The following CHSY3 variants were observed in gnomAD, a reference collection of about 807,000 sequenced individuals.
The protein encoded by CHSY3 is N-acetylgalactosaminyl-proteoglycan 3-beta-glucuronosyltransferase 3.
Under a neutral mutation model 67.2 loss-of-function variants are expected in CHSY3, and 35 were observed. That is an observed-to-expected ratio of 0.52 (90% CI 0.40 to 0.69). The LOEUF (loss-of-function observed/expected upper bound fraction) is 0.69. CHSY3 is among the 30% of genes least tolerant of loss of function. CHSY3 has a pLI of 0.00. For missense variants in CHSY3, 1,069 were observed against 1,138.5 expected (o/e 0.94, Z 0.88); for synonymous variants, 474 against 434.7 (o/e 1.09, Z -1.12).
chr5:130,173,840 T>A (rs1367152502), intron 2 of CHSY3, among the ~76,000 whole-genome samples: 1 of 152,054 alleles, frequency 6.6e-6, no homozygotes, highest in Non-Finnish European at 1.5e-5. Flanking sequence ...CAGGCTTTTT[T>A]TTTTATTTTA....
chr5:129,970,405 GATA>G (rs1443478475), intron 2 of CHSY3, among the ~76,000 whole-genome samples: 9 of 42,058 alleles, frequency 2.1e-4, no homozygotes, highest in African/African-American at 6.4e-4. Flanking sequence ...AGATTAGATA[GATA>G]GATAGATAGA....
intron 1 of CHSY3, 21 bp from the exon 2 acceptor site, chr5:129,908,056 T>A: frequency 6.2e-7 from 1 of 1,604,908 alleles, no homozygotes; most frequent in Non-Finnish European, 8.5e-7. Context: ...GACATAGTAA[T>A]TGTTGCCTTT....
At chr5:129,934,754 T>A (rs1434106607) in intron 2 of CHSY3, among the ~76,000 whole-genome samples, 1 of 152,206 alleles carries the variant, frequency 6.6e-6, no homozygotes, top group Non-Finnish European at 1.5e-5. Context: ...GACATATTTT[T>A]ATTTCCAATA....
intron 2 of CHSY3, among the ~76,000 whole-genome samples, chr5:130,153,458 A>G (rs932979141): frequency 6.6e-6 from 1 of 152,166 alleles, no homozygotes; most frequent in South Asian, 2.1e-4. Context: ...TTACCTGCTT[A>G]TAAATACCTT....
intron 2 of CHSY3, among the ~76,000 whole-genome samples, chr5:130,024,473 A>G (rs753924736): frequency 2.6e-5 from 4 of 152,100 alleles, no homozygotes; most frequent in Non-Finnish European, 5.9e-5. Context: ...GTTTATTTGT[A>G]GGAAAAAAGA....
At chr5:129,974,895 TG>T (rs1762754496) in intron 2 of CHSY3, 1 of 152,112 alleles carries the variant, frequency 6.6e-6, no homozygotes, top group African/African-American at 2.4e-5. Context: ...ACACTAGTGT[TG>T]TATGAAAGGA....
chr5:129,974,536 GA>G (rs1039056831), intron 2 of CHSY3, among the ~76,000 whole-genome samples: 2 of 151,766 alleles, frequency 1.3e-5, no homozygotes, highest in East Asian at 1.9e-4. Context: ...CCATGGTCGA[GA>G]AAAAAAAGAA....
At chr5:129,998,975 A>G (rs1010774151) in intron 2 of CHSY3, among the ~76,000 whole-genome samples, 2 of 152,078 alleles carry the variant, frequency 1.3e-5, no homozygotes, top group Non-Finnish European at 1.5e-5. Flanking sequence ...GTTATTTGAC[A>G]TACAGAAAGG....
chr5:130,161,288 T>C (rs533121946), intron 2 of CHSY3, among the ~76,000 whole-genome samples: 2 of 152,308 alleles, frequency 1.3e-5, no homozygotes, highest in Non-Finnish European at 1.5e-5. Context: ...TTTTTTAAAC[T>C]TCTGGAATGT....
chr5:129,963,793 G>GT (rs368591570), intron 2 of CHSY3, among the ~76,000 whole-genome samples: 51 of 148,066 alleles, frequency 3.4e-4, no homozygotes, highest in African/African-American at 7.4e-4. Flanking sequence ...TATAATGTCA[G>GT]TTTTTTTTTT....
At chr5:129,914,189 C>T (rs1336103485) in intron 2 of CHSY3, among the ~76,000 whole-genome samples, 1 of 152,152 alleles carries the variant, frequency 6.6e-6, no homozygotes, top group African/African-American at 2.4e-5. Context: ...TGGCTCACTG[C>T]AACCTCCCCC....
intron 2 of CHSY3, among the ~76,000 whole-genome samples, chr5:130,102,810 A>G (rs1461740524): frequency 6.6e-6 from 1 of 152,100 alleles, no homozygotes; most frequent in Non-Finnish European, 1.5e-5. Context: ...CTTCTGGTCC[A>G]TGTTATTTCA....
intron 2 of CHSY3, among the ~76,000 whole-genome samples, chr5:130,097,538 T>A (rs1019898069): frequency 2.0e-5 from 3 of 152,226 alleles, no homozygotes; most frequent in Non-Finnish European, 4.4e-5. Context: ...CTCCTGCCTA[T>A]CTTTTGAGCT....
At chr5:130,180,081 T>G (rs1370627247) in intron 2 of CHSY3, among the ~76,000 whole-genome samples, 5 of 152,168 alleles carry the variant, frequency 3.3e-5, no homozygotes, top group African/African-American at 4.8e-5. Context: ...AGAGTAAGTT[T>G]TATGCCCTAC....
At chr5:130,035,100 G>A (rs1404422270) in intron 2 of CHSY3, among the ~76,000 whole-genome samples, 2 of 152,050 alleles carry the variant, frequency 1.3e-5, no homozygotes, top group African/African-American at 4.8e-5. Flanking sequence ...GATCAGATGA[G>A]TCACAATGGT....
intron 2 of CHSY3, among the ~76,000 whole-genome samples, chr5:130,068,906 T>G (rs1765970072): frequency 6.6e-6 from 1 of 152,146 alleles, no homozygotes; most frequent in Non-Finnish European, 1.5e-5. Flanking sequence ...CTACAAAGTC[T>G]TGTAGCAGAG....
At chr5:130,026,326 T>C (rs1308699974) in intron 2 of CHSY3, among the ~76,000 whole-genome samples, 1 of 152,124 alleles carries the variant, frequency 6.6e-6, no homozygotes, top group Non-Finnish European at 1.5e-5. Flanking sequence ...AGTAATAAAA[T>C]GGGACTAATG....
At chr5:130,111,286 A>G (rs896953726) in intron 2 of CHSY3, among the ~76,000 whole-genome samples, 9 of 152,128 alleles carry the variant, frequency 5.9e-5, no homozygotes, top group African/African-American at 1.9e-4. Flanking sequence ...TATTGCTAGA[A>G]TTGAAGTATC....
chr5:130,087,168 C>T (rs1766669610), intron 2 of CHSY3, among the ~76,000 whole-genome samples: 2 of 151,718 alleles, frequency 1.3e-5, no homozygotes, highest in South Asian at 4.2e-4. Context: ...AATTCAACAA[C>T]CCTTCATGCT....
Sources: gnomAD v4.1 joint callset for allele counts (sites outside exome capture counted in the v4.1 genomes callset) on GRCh38, gnomAD v4.1.1 for gene constraint, MANE v1.5 for transcripts, NCBI Gene and HGNC (gene_info 2026-07-23, HGNC 2026-07-21) for gene names.